BRINP3: variants seen among roughly 807,000 people sequenced by gnomAD.
BRINP3 encodes the protein BMP/retinoic acid inducible neural specific 3, also known as BMP/retinoic acid-inducible neural-specific protein 3.
A neutral mutation model predicts 71.0 loss-of-function variants in BRINP3; 19 were observed. The ratio of observed to expected loss-of-function variants is 0.27; its 90% CI spans 0.19 to 0.39. The LOEUF is 0.39. Among genes scored for constraint, BRINP3 ranks in the 10% least tolerant of loss-of-function variants. The pLI is 1.00. For synonymous variants in BRINP3, 380 were observed against 337.7 expected, an observed-to-expected ratio of 1.13 and a Z score of -1.37; for missense variants, 959 against 940.8, an observed-to-expected ratio of 1.02 and a Z score of -0.25.
chr1:190,442,249 ATGTT>A (rs1674873025), intron 2 of BRINP3, among the ~76,000 whole-genome samples: 1 of 152,168 alleles, frequency 6.6e-6, no homozygotes, highest in African/African-American at 2.4e-5. Flanking sequence ...TTAATGAGGT[ATGTT>A]TATTTAAATC....
At chr1:190,300,195 C>T (rs1318542785) in intron 2 of BRINP3, among the ~76,000 whole-genome samples, 3 of 152,156 alleles carry the variant, frequency 2.0e-5, no homozygotes, top group Non-Finnish European at 2.9e-5. Flanking sequence ...ACCAATCAGA[C>T]ATAGATTTGG....
chr1:190,171,902 T>C (rs941129478), intron 6 of BRINP3, among the ~76,000 whole-genome samples: 11 of 151,870 alleles, frequency 7.2e-5, no homozygotes, highest in African/African-American at 2.4e-4. Flanking sequence ...ACACCAGAAG[T>C]TTGAGACCAG....
chr1:190,437,813 C>T (rs1351117044), intron 2 of BRINP3, among the ~76,000 whole-genome samples: 1 of 151,552 alleles, frequency 6.6e-6, no homozygotes, highest in African/African-American at 2.4e-5. Context: ...TGCAATTAAT[C>T]CATTTACTTT....
intron 7 of BRINP3, among the ~76,000 whole-genome samples, chr1:190,149,379 T>C (rs1288350487): frequency 6.6e-6 from 1 of 152,218 alleles, no homozygotes; most frequent in African/African-American, 2.4e-5. Flanking sequence ...CTGCGGTTTA[T>C]CTTTCAAAAT....
At chr1:190,297,584 T>A (rs568311523) in intron 2 of BRINP3, among the ~76,000 whole-genome samples, 2 of 152,128 alleles carry the variant, frequency 1.3e-5, no homozygotes, top group Admixed American at 6.5e-5. Context: ...TTTTTTCTCA[T>A]AAATAAATGT....
chr1:190,287,021 C>G lies in BRINP3; in HGVS notation c.237-5271G>C, dbSNP rs141028199. 5.4e-3 allele frequency among the ~76,000 whole-genome samples: 819 copies of G among 151,196 alleles called. 6 individuals are homozygous for G. Among genetic ancestry groups the G allele is most frequent in the African/African-American group, 0.018 (749 of 41,112 alleles). Reference sequence around the variant, plus strand: ...ATCACTTCAGGTCAGGAGTTCGAGACCAGCCTGGCCAACATGGTGAAACCC... The same window carrying G: ...ATCACTTCAGGTCAGGAGTTCGAGAGCAGCCTGGCCAACATGGTGAAACCC... On this transcript the variant is annotated intron_variant, in intron 2 of 7. Transcript: ENST00000367462.
At chr1:190,202,603 ATGCTG>A (rs547029363) in intron 6 of BRINP3, among the ~76,000 whole-genome samples, 53 of 152,184 alleles carry the variant, frequency 3.5e-4, no homozygotes, top group African/African-American at 1.3e-3. Flanking sequence ...TAATTCCTAC[ATGCTG>A]TGGGAGGGAC....
intron 6 of BRINP3, among the ~76,000 whole-genome samples, chr1:190,215,186 A>G (rs933176021): frequency 5.3e-5 from 8 of 151,588 alleles, no homozygotes; most frequent in Non-Finnish European, 1.0e-4. Context: ...TTTTTTATAT[A>G]TCTTGAACCG....
intron 5 of BRINP3, among the ~76,000 whole-genome samples, chr1:190,226,785 A>G (rs1332152855): frequency 6.6e-6 from 1 of 152,012 alleles, no homozygotes; most frequent in African/African-American, 2.4e-5. Flanking sequence ...TACATATTGA[A>G]TGTTGATGGT....
intron 2 of BRINP3, among the ~76,000 whole-genome samples, chr1:190,365,493 GT>G (rs1401015782): frequency 1.3e-5 from 2 of 148,656 alleles, no homozygotes; most frequent in Non-Finnish European, 3.0e-5. Context: ...TAATTATAAT[GT>G]TATATGATTA....
At chr1:190,160,625 TCGGCAATAAAC>T (rs1363643386) in intron 7 of BRINP3, 32 bp downstream of exon 7, 1 of 1,547,656 alleles carries the variant, frequency 6.5e-7, no homozygotes. Context: ...ACTCACTTTT[TCGGCAATAAAC>T]TTAATTGCTT....
chr1:190,205,192 A>G (rs960773193), intron 6 of BRINP3, among the ~76,000 whole-genome samples: 3 of 151,916 alleles, frequency 2.0e-5, no homozygotes, highest in African/African-American at 7.2e-5. Flanking sequence ...TCCATGTACT[A>G]TAGAGGATGA....
At chr1:190,311,685 TA>T (rs1490623650) in intron 2 of BRINP3, among the ~76,000 whole-genome samples, 3 of 151,336 alleles carry the variant, frequency 2.0e-5, no homozygotes, top group Non-Finnish European at 3.0e-5. Context: ...CACAGTGTTA[TA>T]AAAAACTTTT....
intron 6 of BRINP3, among the ~76,000 whole-genome samples, chr1:190,203,767 A>G (rs1655230652): frequency 1.4e-4 from 1 of 6,940 alleles, no homozygotes; most frequent in Non-Finnish European, 2.6e-4. Flanking sequence ...ATATATATAT[A>G]TATATATATA....
chr1:190,357,992 C>T lies in BRINP3; in HGVS notation c.237-76242G>A, dbSNP rs1437090362. On this transcript the variant is annotated intron_variant, in intron 2 of 7. Transcript: ENST00000367462. ...CTGAAACTGGATCCCTTCCTTACAC[C>T]TTATACAAAAATTAATTCAGGATGG... Among the ~76,000 whole-genome samples the T allele has an allele frequency of 4.0e-5, 6 of 151,310 alleles. No homozygotes were observed. In the East Asian group the frequency reaches 9.7e-4, roughly 24 times the overall value.
chr1:190,182,783 C>T (rs1294784202), intron 6 of BRINP3, among the ~76,000 whole-genome samples: 3 of 152,050 alleles, frequency 2.0e-5, no homozygotes, highest in Admixed American at 6.6e-5. Context: ...TGTGATGTAG[C>T]GTGGGAGCTT....
At chr1:190,340,450 T>A (rs1012479665) in intron 2 of BRINP3, among the ~76,000 whole-genome samples, 2 of 151,876 alleles carry the variant, frequency 1.3e-5, no homozygotes, top group African/African-American at 4.8e-5. Context: ...TCTTCCTTCT[T>A]ATTGATTGAT....
intron 4 of BRINP3, among the ~76,000 whole-genome samples, chr1:190,245,475 A>G (rs557129067): frequency 6.6e-6 from 1 of 152,172 alleles, no homozygotes; most frequent in African/African-American, 2.4e-5. Context: ...ACTCTCTGCA[A>G]TATTATAATC....
intron 6 of BRINP3, among the ~76,000 whole-genome samples, chr1:190,209,714 A>G (rs555976397): frequency 2.6e-5 from 4 of 152,298 alleles, no homozygotes; most frequent in African/African-American, 9.6e-5. Context: ...CACATAATAT[A>G]TCTTGACTTT....
Sources: allele counts gnomAD v4.1 joint callset (sites outside exome capture counted in the v4.1 genomes callset), GRCh38; gene constraint gnomAD v4.1.1; transcripts MANE v1.5; gene names NCBI Gene and HGNC (gene_info 2026-07-23, HGNC 2026-07-21).